INTS6: variants seen among roughly 807,000 people sequenced by gnomAD.
INTS6 encodes integrator complex subunit 6.
INTS6 carries 16 observed loss-of-function variants against 104.9 expected under a neutral mutation model. The observed-to-expected ratio is 0.15, with a 90% CI of 0.10 to 0.23. The LOEUF is 0.23. INTS6 is among the 10% of genes least tolerant of loss of function. The pLI is 1.00. For synonymous variants in INTS6, 324 were observed against 358.7 expected (o/e 0.90, Z 1.09); for missense variants, 584 against 1,062.8 (o/e 0.55, Z 6.26).
At chr13:51,385,234 A>C (rs1449686821) in intron 7 of INTS6, 1 of 153,066 alleles carries the variant, frequency 6.5e-6, no homozygotes, top group African/African-American at 2.4e-5. Flanking sequence ...GTACTCCAAA[A>C]ACACACCAGG....
chr13:51,439,211 A>G (rs941293849), intron 3 of INTS6: 2 of 152,218 alleles, frequency 1.3e-5, no homozygotes, highest in Admixed American at 6.5e-5. Context: ...TAGAAAATAT[A>G]ATCCTTCCAA....
intron 13 of INTS6, among the ~76,000 whole-genome samples, chr13:51,375,764 T>TGTGTGTGC (rs535927457): frequency 7.9e-4 from 119 of 150,942 alleles, no homozygotes; most frequent in Non-Finnish European, 1.2e-3. Context: ...TGTGTGTGTG[T>TGTGTGTGC]GTGCGCGCGC....
At chr13:51,374,473 T>C in intron 14 of INTS6, 34 bp from the exon 15 acceptor site, 2 of 1,595,812 alleles carry the variant, frequency 1.3e-6, no homozygotes. Flanking sequence ...TTCTTGAATT[T>C]ACAAACAATG....
At chr13:51,406,443 C>T (rs948688410) in intron 4 of INTS6, among the ~76,000 whole-genome samples, 3 of 118,652 alleles carry the variant, frequency 2.5e-5, no homozygotes, top group Non-Finnish European at 6.3e-5. Flanking sequence ...CACCTCCTCC[C>T]TGTTTCTTAC....
At chr13:51,408,722 C>T (rs553805215) in intron 4 of INTS6, among the ~76,000 whole-genome samples, 1 of 152,256 alleles carries the variant, frequency 6.6e-6, no homozygotes, top group Admixed American at 6.5e-5. Context: ...TTTGACCACA[C>T]CAAATATTGC....
At chr13:51,372,370 C>A (rs1282458891) in intron 15 of INTS6, among the ~76,000 whole-genome samples, 1 of 151,718 alleles carries the variant, frequency 6.6e-6, no homozygotes, top group Non-Finnish European at 1.5e-5. Flanking sequence ...CTTTAGCTTC[C>A]ATGACATTAA....
At position 51,364,506 on chromosome 13, in the gene INTS6, C is replaced by G. The variant is rs978386477; in HGVS notation, c.*1246G>C. 6.8e-6 allele frequency: 3 copies of G among 439,728 alleles called. No individual in the cohort carries two copies. The highest frequency in any genetic ancestry group is 1.2e-5 in the Non-Finnish European group (3 of 248,600). The allele number at this position is 439,728 out of a possible 1,614,324, so 27.2% of individuals were successfully genotyped here. ...TGACCTTCTTTTCTACTGCTTACCC[C>G]CCAAACCACTAAAAGGCACAGCAGT... On this transcript the variant is annotated 3_prime_UTR_variant, in exon 18 of 18. Coordinates refer to ENST00000311234, the MANE Select transcript of INTS6 (RefSeq NM_012141.3).
At chr13:51,424,173 C>T (rs982209957) in intron 4 of INTS6, among the ~76,000 whole-genome samples, 1 of 151,996 alleles carries the variant, frequency 6.6e-6, no homozygotes, top group Non-Finnish European at 1.5e-5. Flanking sequence ...TTGGTTCTAA[C>T]AGGCTAATAA....
intron 4 of INTS6, among the ~76,000 whole-genome samples, chr13:51,418,474 G>T (rs1459225407): frequency 6.6e-6 from 1 of 151,676 alleles, no homozygotes; most frequent in South Asian, 2.1e-4. Context: ...TATTTATTAA[G>T]GAAAGGAAAA....
chr13:51,365,988 TAA>T, intron 17 of INTS6, 143 bp from the exon 18 acceptor site: 1 of 510,342 alleles, frequency 2.0e-6, no homozygotes, highest in Non-Finnish European at 3.5e-6. Flanking sequence ...TACGACAATA[TAA>T]AATATGTTGA....
chr13:51,418,441 TGAA>T (rs1371401177), intron 4 of INTS6, among the ~76,000 whole-genome samples: 1 of 151,872 alleles, frequency 6.6e-6, no homozygotes, highest in Non-Finnish European at 1.5e-5. Context: ...ATATAAGCAA[TGAA>T]GAAGGTTCTC....
intron 3 of INTS6, chr13:51,446,722 A>G (rs1305207396): frequency 6.6e-6 from 1 of 152,338 alleles, no homozygotes; most frequent in East Asian, 1.9e-4. Context: ...ATTCAGCCTT[A>G]AAAAGGATGA....
At chr13:51,409,854 C>G (rs773155363) in intron 4 of INTS6, among the ~76,000 whole-genome samples, 11 of 151,802 alleles carry the variant, frequency 7.2e-5, no homozygotes, top group Non-Finnish European at 1.3e-4. Context: ...TGATTTTGTA[C>G]GTAAAAAGCT....
downstream of INTS6, among the ~76,000 whole-genome samples, chr13:51,359,025 CA>C (rs1023386278): frequency 1.2e-4 from 18 of 152,012 alleles, no homozygotes; most frequent in African/African-American, 3.9e-4. Flanking sequence ...CTACTGAAAA[CA>C]AAAGTGCAAA....
At chr13:51,401,218 G>C (rs990058681) in intron 4 of INTS6, among the ~76,000 whole-genome samples, 3 of 151,874 alleles carry the variant, frequency 2.0e-5, no homozygotes, top group Non-Finnish European at 2.9e-5. Context: ...CAAGAAGGTA[G>C]ACTACTTCCT....
the INTS6 span, among the ~76,000 whole-genome samples, chr13:51,340,115 G>C: frequency 6.6e-6 from 1 of 152,220 alleles, no homozygotes; most frequent in Non-Finnish European, 1.5e-5. Context: ...GAGTTGGAGA[G>C]AGTGAGTGTG....
intron 4 of INTS6, chr13:51,423,135 G>A (rs529200212): frequency 3.3e-5 from 33 of 999,006 alleles, no homozygotes; most frequent in South Asian, 2.5e-4. Flanking sequence ...TGGAGCTGCC[G>A]CTATTCTTAT....
chr13:51,383,455 C>A lies in INTS6; in HGVS notation c.1054G>T (p.Val352Leu). 6.2e-7 allele frequency: 1 copy of A among 1,612,042 alleles called. No homozygotes were observed. Among genetic ancestry groups the A allele is most frequent in the African/African-American group, 1.3e-5 (1 of 74,896 alleles). The change falls in exon 9 of 18, where the codon GTG becomes TTG. Residue 352 changes from valine (V) to leucine (L), a missense_variant. Around this residue, in one of 5 missense-constraint regions of INTS6, gnomAD observed 144 missense variants for 348.7 expected, o/e 0.41. Transcript: ENST00000311234. ...KSPQTCWQVY[V>L]SNSAKYSELG... ...TCACTGTATTTTGCACTATTGCTCA[C>A]GTACACCTGTTAAAAAGGAGCGGTT...
chr13:51,409,768 A>G (rs1004931722), intron 4 of INTS6, among the ~76,000 whole-genome samples: 2 of 152,142 alleles, frequency 1.3e-5, no homozygotes, highest in African/African-American at 4.8e-5. Context: ...CCACCAGTAC[A>G]TTGAAGCAAG....
Sources: allele counts gnomAD v4.1 joint callset (sites outside exome capture counted in the v4.1 genomes callset), GRCh38; gene constraint gnomAD v4.1.1; regional missense constraint gnomAD v4.1.1; transcripts MANE v1.5; gene names NCBI Gene and HGNC (gene_info 2026-07-23, HGNC 2026-07-21).